PTGS2: variants seen among roughly 807,000 people sequenced by gnomAD.
PTGS2 encodes the protein prostaglandin G/H synthase 2.
PTGS2 carries 14 observed loss-of-function variants against 63.8 expected under a neutral mutation model. That is an observed-to-expected ratio of 0.22 (90% confidence interval 0.14 to 0.34). PTGS2 has a LOEUF of 0.34. Ranked by LOEUF, PTGS2 falls within the 10% of genes least tolerant of loss-of-function variation. The probability of loss-of-function intolerance (pLI) is 1.00; values close to 1 mark genes in which losing one functional copy is unlikely to be tolerated. For synonymous variants in PTGS2, 271 were observed against 259.5 expected (o/e 1.04, Z -0.43); for missense variants, 533 against 738.5 (o/e 0.72, Z 3.23).
At chr1:186,678,191 AT>A (rs553869709) in intron 4 of PTGS2, 69 bp downstream of exon 4, 20,662 of 978,732 alleles carry the variant, frequency 0.021, 2 homozygotes, top group East Asian at 0.032. Flanking sequence ...TCTAAGGTCA[AT>A]TTTTTTTTTT....
In PTGS2 at chr1:186,676,135, G is replaced by C. The variant is rs1665775907; in HGVS notation, c.1020C>G (p.Gly340=). 6.2e-7 allele frequency: 1 copy of C among 1,613,910 alleles called. No individual in the cohort carries two copies. Among genetic ancestry groups the C allele is most frequent in the Non-Finnish European group, 8.5e-7 (1 of 1,179,912 alleles). The change falls in exon 8 of 10, where the codon GGC becomes GGG. Residue 340 remains glycine, a synonymous_variant. Coordinates refer to ENST00000367468, the MANE Select transcript of PTGS2 (RefSeq NM_000963.4). ...VIEDYVQHLS[G]YHFKLKFDPE... ...GGTCAAATTTCAGTTTGAAGTGATA[G>C]CCACTCAAGTGTTGCACATAATCTT... is the stretch of plus-strand genomic sequence containing the variant.
intron 7 of PTGS2, 43 bp from the exon 8 acceptor site, chr1:186,676,227 A>G: frequency 6.6e-7 from 1 of 1,520,452 alleles, no homozygotes; most frequent in Non-Finnish European, 8.9e-7. Flanking sequence ...ATTGCATCTG[A>G]TCACAAGCTT....
Position 186,679,240 on chromosome 1 carries a change from G to T in PTGS2, c.170-39C>A, listed in dbSNP as rs2066824. ...AAGAAAGGGAGGGAGAAATTAATGG[G>T]ACTCATTATAAGACACAAATCTATA... On this transcript the variant is annotated intron_variant, in intron 2 of 9. Transcript: ENST00000367468. 456 of 1,612,442 alleles carry T rather than the reference G, an allele frequency of 2.8e-4. 4 individuals carry two copies. In the East Asian group the frequency reaches 9.8e-3, roughly 35 times the overall value.
chr1:186,678,218 C>A, intron 4 of PTGS2, 43 bp downstream of exon 4: 1 of 1,499,530 alleles, frequency 6.7e-7, no homozygotes, highest in South Asian at 1.4e-5. Flanking sequence ...CAATGCAGCC[C>A]GTCTTATAGT....
At chr1:186,675,583 G>C (rs1217365915) in intron 8 of PTGS2, 187 bp from the exon 9 acceptor site, 2 of 698,670 alleles carry the variant, frequency 2.9e-6, no homozygotes, top group Non-Finnish European at 4.6e-6. Context: ...CACCAGCCTA[G>C]AACTAATTTG....
In PTGS2 at chr1:186,672,607, T is replaced by C. The variant is rs200177856; in HGVS notation, c.*1746A>G. 1.0e-4 allele frequency: 16 copies of C among 152,526 alleles called. No individual in the cohort carries two copies. Among genetic ancestry groups the C allele is most frequent in the East Asian group, 1.9e-4 (1 of 5,196 alleles). 9.4% of individuals were successfully genotyped at this position (152,526 alleles called of 1,614,324 possible). On this transcript the variant is annotated 3_prime_UTR_variant, in exon 10 of 10. Coordinates refer to ENST00000367468, the MANE Select transcript of PTGS2 (RefSeq NM_000963.4). ...TAATAATCTTCAATAAATTAAGTAATATACAGTACCATTAAATGTCAGTGA... is the reference window on the plus strand; with the variant it reads ...TAATAATCTTCAATAAATTAAGTAACATACAGTACCATTAAATGTCAGTGA...
In PTGS2 at chr1:186,677,745, G is replaced by A. The variant is rs1665806389; in HGVS notation, c.543C>T (p.Asn181=). The A allele has an allele frequency of 1.2e-6, 2 of 1,613,914 alleles. No individual in the cohort carries two copies. The highest frequency in any genetic ancestry group is 1.7e-5 in the Admixed American group (1 of 59,972). The change falls in exon 5 of 10, where the codon AAC becomes AAT. Residue 181 remains asparagine, a synonymous_variant. Coordinates refer to ENST00000367468, the MANE Select transcript of PTGS2 (RefSeq NM_000963.4). ...GCTGGGCAAAGAATGCAAACATCATGTTTGAGCCCTGGGGATCAGGGATGA... is the reference window on the plus strand; with the variant it reads ...GCTGGGCAAAGAATGCAAACATCATATTTGAGCCCTGGGGATCAGGGATGA... ...RKFIPDPQGS[N]MMFAFFAQHF...
At chr1:186,675,503 G>T in intron 8 of PTGS2, 107 bp from the exon 9 acceptor site, 1 of 1,291,220 alleles carries the variant, frequency 7.7e-7, no homozygotes, top group Non-Finnish European at 1.1e-6. Flanking sequence ...TCCCAGCGGA[G>T]ACAATTTTTA....
rs1665771475 is a variant in PTGS2 at position 186,675,964 on chromosome 1, G to C, written c.1191C>G (p.Asn397Lys). The change falls in exon 8 of 10, where the codon AAC becomes AAG. Residue 397 changes from asparagine to lysine, a missense_variant. Physicochemically the swap from Asn to Lys is moderately conservative, Grantham distance 94. Around this residue, in one of 5 missense-constraint regions of PTGS2, gnomAD observed 219 missense variants for 267.4 expected, o/e 0.82. Transcript: ENST00000367468. ...TAATTCCATGTTCCAGCAATATAGAGTTGTTGTAGATAAACTGTTGATAGT... is the reference window on the plus strand; with the variant it reads ...TAATTCCATGTTCCAGCAATATAGACTTGTTGTAGATAAACTGTTGATAGT... ...KYNYQQFIYNNSILLEHGITQ... is the reference protein window; with the variant it reads ...KYNYQQFIYNKSILLEHGITQ... The C allele has an allele frequency of 6.2e-7, 1 of 1,613,876 alleles. No homozygotes were observed. The highest frequency in any genetic ancestry group is 8.5e-7 in the Non-Finnish European group (1 of 1,179,926).
rs371064360 is a variant in PTGS2 at position 186,674,777 on chromosome 1, A to C, written c.1406-15T>G. 2 of 1,586,456 alleles carry C rather than the reference A, an allele frequency of 1.3e-6. No individual in the cohort carries two copies. Among genetic ancestry groups the C allele is most frequent in the Non-Finnish European group, 1.7e-6 (2 of 1,167,950 alleles). On this transcript the variant is annotated splice_polypyrimidine_tract_variant and intron_variant, in intron 9 of 9. Coordinates refer to ENST00000367468, the MANE Select transcript of PTGS2 (RefSeq NM_000963.4). ...TTCCTTTTCTCCTGTGAAGGCGATGAAGACAGAGATACAACCAATGTCAAA... is the reference window on the plus strand; with the variant it reads ...TTCCTTTTCTCCTGTGAAGGCGATGCAGACAGAGATACAACCAATGTCAAA...
Position 186,675,257 on chromosome 1 carries a change from T to C in PTGS2, c.1397A>G (p.Glu466Gly), listed in dbSNP as rs998560580. The change falls in exon 9 of 10, where the codon GAA becomes GGA. Residue 466 changes from glutamate (E) to glycine (G), a missense_variant. Glu to Gly is a moderately conservative substitution (Grantham distance 98). Transcript: ENST00000367468. ...FMLKPYESFE[E>G]LTGEKEMSAE... ...TAGAAACTGTTTCTTACCTGTAAGT[T>C]CTTCAAATGATTCATAGGGCTTCAG... 15 of 1,611,264 alleles carry C rather than the reference T, an allele frequency of 9.3e-6. No individual in the cohort carries two copies. Among genetic ancestry groups the C allele is most frequent in the African/African-American group, 1.3e-5 (1 of 74,678 alleles).
At chr1:186,679,639 C>T (rs1665841665) in intron 1 of PTGS2, among the ~76,000 whole-genome samples, 1 of 152,156 alleles carries the variant, frequency 6.6e-6, no homozygotes, top group South Asian at 2.1e-4. Context: ...AGGATAACAG[C>T]ATATTCAACT....
rs1170738988 is a variant in PTGS2 at position 186,673,480 on chromosome 1, A to C, written c.*873T>G. ...AGACCCTTTTGCTGATATAGATTTT[A>C]CATGTTACCAGCCATATAAACAAAT... On this transcript the variant is annotated 3_prime_UTR_variant, in exon 10 of 10. Transcript: ENST00000367468. 1 of 152,206 alleles carries C rather than the reference A, an allele frequency of 6.6e-6. No individual in the cohort carries two copies. Among genetic ancestry groups the C allele is most frequent in the Non-Finnish European group, 1.5e-5 (1 of 68,008 alleles). 9.4% of individuals were successfully genotyped at this position (152,206 alleles called of 1,614,324 possible).
Position 186,673,474 on chromosome 1 carries a change from G to T in PTGS2, c.*879C>A, listed in dbSNP as rs201588251. 1.3e-5 allele frequency: 2 copies of T among 152,082 alleles called. No individual in the cohort carries two copies. The highest frequency in any genetic ancestry group is 2.9e-5 in the Non-Finnish European group (2 of 67,988). 9.4% of individuals were successfully genotyped at this position (152,082 alleles called of 1,614,324 possible). A position where few individuals can be genotyped will look rare whatever the true frequency, so the allele number is the denominator to read the frequency against. On this transcript the variant is annotated 3_prime_UTR_variant, in exon 10 of 10. Coordinates refer to ENST00000367468, the MANE Select transcript of PTGS2 (RefSeq NM_000963.4). ...AAAGGTAGACCCTTTTGCTGATATA[G>T]ATTTTACATGTTACCAGCCATATAA...
rs1219497323 is a variant in PTGS2, at chr1:186,672,559, A to G, written c.*1794T>C. ...GTAGGCTTAAACACAGTTTATAACC[A>G]TAGTGTCCTAATAAGACATAAATAA... On this transcript the variant is annotated 3_prime_UTR_variant, in exon 10 of 10. Coordinates refer to ENST00000367468, the MANE Select transcript of PTGS2 (RefSeq NM_000963.4). 6.6e-6 allele frequency: 1 copy of G among 152,616 alleles called. No individual in the cohort carries two copies. Among genetic ancestry groups the G allele is most frequent in the Non-Finnish European group, 1.5e-5 (1 of 67,986 alleles). 9.5% of individuals were successfully genotyped at this position (152,616 alleles called of 1,614,324 possible). A position where few individuals can be genotyped will look rare whatever the true frequency, so the allele number is the denominator to read the frequency against.
At chr1:186,680,089 A>G (rs2745557) in intron 1 of PTGS2, 150 bp downstream of exon 1, 973,664 of 1,177,872 alleles carry the variant, frequency 0.83, 403,665 homozygotes, top group East Asian at 0.96. Flanking sequence ...AGTTCTTTCG[A>G]ACTCTAGCGG....
Position 186,679,439 on chromosome 1 carries a change from C to T in PTGS2, c.53-1G>A, listed in dbSNP as rs1665837937. ...CATGGGTGGGAACAGCAAGGATTTG[C>T]TGCAATTAAAGGACAGCAAATAAAT... On this transcript the variant is annotated splice_acceptor_variant, in intron 1 of 9. Coordinates refer to ENST00000367468, the MANE Select transcript of PTGS2 (RefSeq NM_000963.4). LOFTEE classifies it high-confidence loss of function. 1 of 1,608,118 alleles carries T rather than the reference C, an allele frequency of 6.2e-7. No homozygotes were observed. Among genetic ancestry groups the T allele is most frequent in the Non-Finnish European group, 8.5e-7 (1 of 1,174,752 alleles).
In PTGS2 at chr1:186,672,557, C is replaced by T. The variant is rs200779240; in HGVS notation, c.*1796G>A. 1 of 152,338 alleles carries T rather than the reference C, an allele frequency of 6.6e-6. No homozygotes were observed. Among genetic ancestry groups the T allele is most frequent in the African/African-American group, 2.4e-5 (1 of 41,372 alleles). 9.4% of individuals were successfully genotyped at this position (152,338 alleles called of 1,614,324 possible). ...TTGTAGGCTTAAACACAGTTTATAA[C>T]CATAGTGTCCTAATAAGACATAAAT... On this transcript the variant is annotated 3_prime_UTR_variant, in exon 10 of 10. Coordinates refer to ENST00000367468, the MANE Select transcript of PTGS2 (RefSeq NM_000963.4).
chr1:186,677,695 G>C lies in PTGS2; in HGVS notation c.593C>G (p.Thr198Arg). Residue 198 changes from threonine to arginine, a missense_variant, in exon 5 of 10, where the codon ACA becomes AGA. Coordinates refer to ENST00000367468, the MANE Select transcript of PTGS2 (RefSeq NM_000963.4). ...GAAAGCTGGCCCTCGCTTATGATCT[G>C]TCTTGAAAAACTGATGCGTGAAGTG... ...AQHFTHQFFK[T>R]DHKRGPAFTN... is the part of the protein sequence containing the mutation. 6.2e-7 allele frequency: 1 copy of C among 1,613,832 alleles called. No individual in the cohort carries two copies. Among genetic ancestry groups the C allele is most frequent in the Non-Finnish European group, 8.5e-7 (1 of 1,179,920 alleles).
Sources: gnomAD v4.1 joint callset for allele counts (sites outside exome capture counted in the v4.1 genomes callset) on GRCh38, gnomAD v4.1.1 for gene constraint, gnomAD v4.1.1 regional missense constraint, MANE v1.5 for transcripts, NCBI Gene and HGNC (gene_info 2026-07-23, HGNC 2026-07-21) for gene names.